Variants in USP49 observed in about 807,000 individuals in gnomAD.
USP49 encodes the protein ubiquitin carboxyl-terminal hydrolase 49.
Under a neutral mutation model 58.6 loss-of-function variants are expected in USP49, and 24 were observed. The observed-to-expected ratio is 0.41, with a 90% CI of 0.30 to 0.58. The LOEUF is 0.58. USP49 is among the 20% of genes least tolerant of loss of function. The pLI is 0.30. For synonymous variants in USP49, 408 were observed against 365.1 expected (o/e 1.12, Z -1.34); for missense variants, 703 against 866.1 (o/e 0.81, Z 2.36).
chr6:41,860,897 G>A (rs912563823), intron 3 of USP49, among the ~76,000 whole-genome samples: 8 of 152,136 alleles, frequency 5.3e-5, no homozygotes, highest in East Asian at 1.9e-4. Flanking sequence ...TTGGGAGGCC[G>A]AGACAGGCAG....
intron 3 of USP49, among the ~76,000 whole-genome samples, chr6:41,868,310 GTATT>G (rs548129847): frequency 6.6e-6 from 1 of 152,038 alleles, no homozygotes; most frequent in South Asian, 2.1e-4. Context: ...GTTAACTTCT[GTATT>G]TATTTATTTA....
chr6:41,800,547 A>G (rs533865886), intron 5 of USP49, among the ~76,000 whole-genome samples: 1 of 152,356 alleles, frequency 6.6e-6, no homozygotes, highest in South Asian at 2.1e-4. Context: ...TTAAGGTTCC[A>G]TGTCTTCACA....
At position 41,872,939 on chromosome 6, in the gene USP49, T is replaced by C. The variant is rs570222341; in HGVS notation, c.-102-1302A>G. The C allele has an allele frequency of 2.6e-5, 4 of 151,284 alleles. No individual in the cohort carries two copies. The South Asian group carries it at 8.4e-4, about 32-fold the overall frequency. 9.4% of individuals were successfully genotyped at this position (151,284 alleles called of 1,614,324 possible). A position where few individuals can be genotyped will look rare whatever the true frequency, so the allele number is the denominator to read the frequency against. ...AAAAAAAGAAAATATGTTCCCATAA[T>C]ATGGGCTCCCATCACTCATGTCCAG... On this transcript the variant is annotated intron_variant, in intron 2 of 7. Coordinates refer to ENST00000682992, the MANE Select transcript of USP49 (RefSeq NM_001286554.2).
chr6:41,817,695 A>C (rs1049347487), intron 3 of USP49, among the ~76,000 whole-genome samples: 1 of 151,954 alleles, frequency 6.6e-6, no homozygotes, highest in African/African-American at 2.4e-5. Context: ...AGCTCACTGC[A>C]ACCTCTGCCC....
chr6:41,884,015 T>C (rs1774663510), intron 2 of USP49, among the ~76,000 whole-genome samples: 1 of 152,046 alleles, frequency 6.6e-6, no homozygotes, highest in Non-Finnish European at 1.5e-5. Context: ...TACATCCACA[T>C]GAACAGATCT....
chr6:41,790,853 T>C lies in USP49; in HGVS notation c.*5680A>G, dbSNP rs1036790721. Reference sequence around the variant, plus strand: ...CACTGGGTTGACTCTGAGAGGTTTATATCTTATTGGGTATTAAGATAAAGA... The same window carrying C: ...CACTGGGTTGACTCTGAGAGGTTTACATCTTATTGGGTATTAAGATAAAGA... On this transcript the variant is annotated 3_prime_UTR_variant, in exon 8 of 8. Transcript: ENST00000682992. 1 of 152,238 alleles carries C rather than the reference T, an allele frequency of 6.6e-6. No individual in the cohort carries two copies. The highest frequency in any genetic ancestry group is 2.4e-5 in the African/African-American group (1 of 41,468). The allele number at this position is 152,238 out of a possible 1,614,324, so 9.4% of individuals were successfully genotyped here.
At chr6:41,825,169 C>A (rs968711993) in intron 3 of USP49, among the ~76,000 whole-genome samples, 10 of 152,164 alleles carry the variant, frequency 6.6e-5, no homozygotes, top group African/African-American at 2.4e-4. Context: ...TAAGTCTCAC[C>A]ATTTGAATTA....
At position 41,821,695 on chromosome 6, in the gene USP49, G is replaced by GC. The variant is rs1406861392; in HGVS notation, c.-28-14685dup. 5.9e-5 allele frequency among the ~76,000 whole-genome samples: 9 copies of GC among 152,156 alleles called. No homozygotes were observed. In the East Asian group the frequency reaches 1.7e-3, roughly 29 times the overall value. The stretch of plus-strand genomic sequence containing the variant: ...AGGCTGAGGCAGGAGAATTGCTTGA[G>GC]CCTGGGAGGTGGAGGTTGCAGTGAG... On this transcript the variant is annotated intron_variant, in intron 3 of 7. Transcript: ENST00000682992.
chr6:41,818,802 C>T (rs992362802), intron 3 of USP49, among the ~76,000 whole-genome samples: 2 of 152,186 alleles, frequency 1.3e-5, no homozygotes, highest in Admixed American at 6.5e-5. Context: ...AACCCCTGAT[C>T]TCATTTGCTA....
At chr6:41,831,709 C>T (rs765109061) in intron 3 of USP49, among the ~76,000 whole-genome samples, 5 of 152,052 alleles carry the variant, frequency 3.3e-5, no homozygotes, top group Non-Finnish European at 7.4e-5. Context: ...AAAATTAAAA[C>T]CACCACCACA....
In USP49 at chr6:41,792,022, C is replaced by T. The variant is rs1192790817; in HGVS notation, c.*4511G>A. 6.6e-6 allele frequency: 1 copy of T among 152,174 alleles called. No homozygotes were observed. Among genetic ancestry groups the T allele is most frequent in the African/African-American group, 2.4e-5 (1 of 41,434 alleles). The allele number at this position is 152,174 out of a possible 1,614,324, so 9.4% of individuals were successfully genotyped here. ...TTCAAGTGTGCATTTGAGTGGGAAA[C>T]TTTTAAACACCATATGTTGAAGTTT... On this transcript the variant is annotated 3_prime_UTR_variant, in exon 8 of 8. Transcript: ENST00000682992.
chr6:41,802,434 TTATTTA>T (rs1773023937), intron 5 of USP49, among the ~76,000 whole-genome samples: 1 of 53,116 alleles, frequency 1.9e-5, no homozygotes, highest in South Asian at 7.5e-4. Context: ...TTTATTTTAT[TTATTTA>T]TTTATTTATT....
chr6:41,802,410 T>A (rs200479155), intron 5 of USP49, among the ~76,000 whole-genome samples: 5,690 of 106,388 alleles, frequency 0.053, 223 homozygotes, highest in African/African-American at 0.11. Context: ...ATTTTATTTT[T>A]TATTTTATTT....
chr6:41,836,755 C>T (rs1211778931), intron 3 of USP49, among the ~76,000 whole-genome samples: 7 of 152,048 alleles, frequency 4.6e-5, no homozygotes, highest in Non-Finnish European at 8.8e-5. Context: ...TTTCAGGGTG[C>T]AAAATCAATG....
At chr6:41,845,327 C>T (rs1773903519) in intron 3 of USP49, among the ~76,000 whole-genome samples, 1 of 151,978 alleles carries the variant, frequency 6.6e-6, no homozygotes, top group Non-Finnish European at 1.5e-5. Context: ...CACCTCAGGT[C>T]GCAGTTTGAG....
chr6:41,800,264 A>G (rs564754441), intron 5 of USP49, among the ~76,000 whole-genome samples: 2 of 152,336 alleles, frequency 1.3e-5, no homozygotes, highest in South Asian at 4.1e-4. Flanking sequence ...CCAAAAGGTA[A>G]CTTTGAAGAC....
intron 2 of USP49, among the ~76,000 whole-genome samples, chr6:41,890,983 G>A (rs879687119): frequency 2.6e-5 from 4 of 152,142 alleles, no homozygotes; most frequent in Non-Finnish European, 5.9e-5. Flanking sequence ...ATTTTGGAAT[G>A]AAAAAATAGA....
intron 2 of USP49, among the ~76,000 whole-genome samples, chr6:41,891,002 AC>A (rs1269606899): frequency 3.3e-5 from 5 of 152,238 alleles, no homozygotes; most frequent in Non-Finnish European, 7.3e-5. Flanking sequence ...GAAGCATGCA[AC>A]AACCTTGATG....
At chr6:41,892,892 T>A (rs1258920777) in intron 1 of USP49, among the ~76,000 whole-genome samples, 1 of 152,232 alleles carries the variant, frequency 6.6e-6, no homozygotes, top group Non-Finnish European at 1.5e-5. Flanking sequence ...AAATATTCAT[T>A]CATATTCTTA....
Sources: allele counts gnomAD v4.1 joint callset (sites outside exome capture counted in the v4.1 genomes callset), GRCh38; gene constraint gnomAD v4.1.1; transcripts MANE v1.5; gene names NCBI Gene and HGNC (gene_info 2026-07-23, HGNC 2026-07-21).